Variants in CSMD1 observed in about 807,000 individuals in gnomAD.
The protein encoded by CSMD1 is CUB and sushi domain-containing protein 1.
CSMD1 carries 213 observed loss-of-function variants against 417.5 expected under a neutral mutation model. The ratio of observed to expected loss-of-function variants is 0.51; its 90% CI spans 0.46 to 0.57. The LOEUF is 0.57. CSMD1 is among the 20% of genes least tolerant of loss of function. The probability of loss-of-function intolerance (pLI) is 0.00; values close to 1 mark genes in which losing one functional copy is unlikely to be tolerated. For synonymous variants in CSMD1, 2,862 were observed against 1,736.8 expected, an observed-to-expected ratio of 1.65 and a Z score of -16.11; for missense variants, 6,923 against 4,529.7, an observed-to-expected ratio of 1.53 and a Z score of -15.17.
chr8:4,821,878 C>T (rs1585158540), intron 1 of CSMD1, among the ~76,000 whole-genome samples: 1 of 152,178 alleles, frequency 6.6e-6, no homozygotes, highest in East Asian at 1.9e-4. Context: ...CGCTTCTGCT[C>T]TAGCCCAGCT....
At chr8:3,393,856 G>A (rs1811500847) in intron 17 of CSMD1, among the ~76,000 whole-genome samples, 1 of 151,136 alleles carries the variant, frequency 6.6e-6, no homozygotes, top group African/African-American at 2.4e-5. Flanking sequence ...TGGGGAGGGG[G>A]CAGGGATAGC....
chr8:4,676,142 T>A (rs1319984260), intron 1 of CSMD1, among the ~76,000 whole-genome samples: 1 of 152,222 alleles, frequency 6.6e-6, no homozygotes, highest in Non-Finnish European at 1.5e-5. Context: ...TGTTTTGTCA[T>A]ATAAACAGAC....
intron 1 of CSMD1, among the ~76,000 whole-genome samples, chr8:4,901,442 T>G (rs1391573178): frequency 6.6e-6 from 1 of 152,212 alleles, no homozygotes; most frequent in Non-Finnish European, 1.5e-5. Context: ...TTTCATAGAA[T>G]TTAATACATA....
intron 1 of CSMD1, among the ~76,000 whole-genome samples, chr8:4,980,546 A>G (rs566779732): frequency 2.0e-5 from 3 of 152,180 alleles, no homozygotes; most frequent in African/African-American, 2.4e-5. Context: ...AGATATTGAA[A>G]TCCTCTGGAC....
chr8:4,206,782 T>G (rs1017383638), intron 3 of CSMD1, among the ~76,000 whole-genome samples: 16 of 152,162 alleles, frequency 1.1e-4, no homozygotes, highest in African/African-American at 3.9e-4. Flanking sequence ...CTTTAAATGG[T>G]AGTTGATTAT....
At chr8:3,091,900 A>C (rs888049045) in intron 47 of CSMD1, among the ~76,000 whole-genome samples, 2 of 152,232 alleles carry the variant, frequency 1.3e-5, no homozygotes, top group African/African-American at 4.8e-5. Flanking sequence ...GTCATATTTA[A>C]ATAAGCCTTG....
chr8:2,990,775 C>G (rs1436945570), intron 54 of CSMD1, among the ~76,000 whole-genome samples: 1 of 152,086 alleles, frequency 6.6e-6, no homozygotes, highest in African/African-American at 2.4e-5. Flanking sequence ...ATGATAATCC[C>G]CATGTATTTG....
chr8:4,175,505 A>G lies in CSMD1; in HGVS notation c.416-143406T>C, dbSNP rs1260692499. On this transcript the variant is annotated intron_variant, in intron 3 of 69. Coordinates refer to ENST00000635120, the MANE Select transcript of CSMD1 (RefSeq NM_033225.6). ...AATATATTTTCTTAAAACATTACAC[A>G]AAGACAACTGATAGAAGCCCAATGG... is the stretch of plus-strand genomic sequence containing the variant. Among the ~76,000 whole-genome samples the G allele has an allele frequency of 2.6e-5, 4 of 152,218 alleles. No homozygotes were observed. The East Asian group carries it at 7.7e-4, about 29-fold the overall frequency.
chr8:4,112,915 T>C (rs1801932283), intron 3 of CSMD1, among the ~76,000 whole-genome samples: 1 of 152,198 alleles, frequency 6.6e-6, no homozygotes, highest in African/African-American at 2.4e-5. Flanking sequence ...GAGCCATTTC[T>C]CCAACAGTAA....
At chr8:4,035,734 C>T (rs1421628983) in intron 3 of CSMD1, among the ~76,000 whole-genome samples, 2 of 152,084 alleles carry the variant, frequency 1.3e-5, no homozygotes, top group African/African-American at 4.8e-5. Context: ...GAGTCAAATG[C>T]TTAAAAATGA....
At chr8:3,745,322 G>C (rs184961224) in intron 6 of CSMD1, among the ~76,000 whole-genome samples, 1 of 152,160 alleles carries the variant, frequency 6.6e-6, no homozygotes, top group Admixed American at 6.5e-5. Context: ...GCAAGAACCT[G>C]GTTGGAATCT....
At chr8:2,986,632 G>A (rs1185116455) in intron 54 of CSMD1, among the ~76,000 whole-genome samples, 1 of 152,006 alleles carries the variant, frequency 6.6e-6, no homozygotes, top group Non-Finnish European at 1.5e-5. Context: ...AGTCTCCCGA[G>A]TAGGTGGGAC....
chr8:3,503,278 T>G (rs975175686), intron 10 of CSMD1, among the ~76,000 whole-genome samples: 1 of 152,216 alleles, frequency 6.6e-6, no homozygotes, highest in African/African-American at 2.4e-5. Context: ...GCCCCACATA[T>G]AAACACTAGG....
intron 49 of CSMD1, among the ~76,000 whole-genome samples, chr8:3,069,829 T>A (rs1813204351): frequency 6.6e-6 from 1 of 152,168 alleles, no homozygotes; most frequent in African/African-American, 2.4e-5. Context: ...CTAGTAGAGG[T>A]TCTCTGTGAG....
intron 3 of CSMD1, among the ~76,000 whole-genome samples, chr8:4,304,604 T>C (rs981258774): frequency 5.3e-5 from 8 of 152,096 alleles, no homozygotes; most frequent in African/African-American, 1.9e-4. Context: ...CTCTTTAATA[T>C]TTCCTCATTT....
At chr8:3,540,492 A>G (rs1158780902) in intron 10 of CSMD1, among the ~76,000 whole-genome samples, 1 of 152,236 alleles carries the variant, frequency 6.6e-6, no homozygotes, top group African/African-American at 2.4e-5. Context: ...CATGACAAAA[A>G]TGTCAAAAGC....
intron 3 of CSMD1, among the ~76,000 whole-genome samples, chr8:4,319,166 A>C (rs1430222754): frequency 3.9e-5 from 6 of 152,182 alleles, no homozygotes; most frequent in Non-Finnish European, 7.3e-5. Context: ...TGAAAATTTA[A>C]ACTGTTAGTC....
intron 3 of CSMD1, among the ~76,000 whole-genome samples, chr8:4,047,165 C>G (rs143820591): frequency 7.7e-4 from 117 of 152,280 alleles, no homozygotes; most frequent in Non-Finnish European, 1.3e-3. Context: ...GTGAGCCTGA[C>G]CTATCTGACC....
intron 3 of CSMD1, among the ~76,000 whole-genome samples, chr8:4,082,545 C>T (rs918664758): frequency 6.6e-5 from 10 of 152,060 alleles, no homozygotes; most frequent in Admixed American, 5.2e-4. Context: ...CACACAAAAA[C>T]AAACAAAATT....
Sources: allele counts gnomAD v4.1 joint callset (sites outside exome capture counted in the v4.1 genomes callset), GRCh38; gene constraint gnomAD v4.1.1; transcripts MANE v1.5; gene names NCBI Gene and HGNC (gene_info 2026-07-23, HGNC 2026-07-21).